The following EPHX2 variants were observed in gnomAD, a reference collection of about 807,000 sequenced individuals.
EPHX2 encodes the protein bifunctional epoxide hydrolase 2.
EPHX2 carries 74 observed loss-of-function variants against 78.7 expected under a neutral mutation model. The observed-to-expected ratio is 0.94, with a 90% CI of 0.78 to 1.14. The LOEUF is 1.14. Among genes scored for constraint, EPHX2 ranks in the 50% most tolerant of loss-of-function variants. The pLI is 0.00. For synonymous variants in EPHX2, 251 were observed against 255.2 expected (o/e 0.98, Z 0.16); for missense variants, 715 against 702.5 (o/e 1.02, Z -0.20).
chr8:27,495,438 A>T (rs1198894302), intron 1 of EPHX2, among the ~76,000 whole-genome samples: 1 of 152,138 alleles, frequency 6.6e-6, no homozygotes, highest in Non-Finnish European at 1.5e-5. Context: ...AGCTAAGGGG[A>T]CTTCTAAGAG....
At chr8:27,543,884 G>T in intron 17 of EPHX2, 55 bp downstream of exon 17, 2 of 1,575,252 alleles carry the variant, frequency 1.3e-6, no homozygotes, top group Non-Finnish European at 1.7e-6. Context: ...GAGGGCACGG[G>T]TGCTCAGAGG....
chr8:27,510,607 A>G (rs1814202212), intron 5 of EPHX2, among the ~76,000 whole-genome samples: 1 of 152,120 alleles, frequency 6.6e-6, no homozygotes. Flanking sequence ...ATGAAGTTAA[A>G]ATCAGGTCAC....
chr8:27,546,668 A>G (rs940426235), downstream of EPHX2, among the ~76,000 whole-genome samples: 2 of 152,216 alleles, frequency 1.3e-5, no homozygotes, highest in African/African-American at 2.4e-5. Flanking sequence ...CTCGCTTTTA[A>G]TATTCTATCC....
At chr8:27,532,106 C>T (rs1160342691) in intron 12 of EPHX2, among the ~76,000 whole-genome samples, 3 of 152,100 alleles carry the variant, frequency 2.0e-5, no homozygotes, top group African/African-American at 7.2e-5. Flanking sequence ...TCCAGACCCC[C>T]ACCCTGCGGT....
chr8:27,544,371 C>T, intron 18 of EPHX2, 73 bp from the exon 19 acceptor site: 1 of 1,599,188 alleles, frequency 6.3e-7, no homozygotes. Flanking sequence ...TCACCTCTGC[C>T]TTCGAGTTGG....
intron 12 of EPHX2, among the ~76,000 whole-genome samples, chr8:27,530,150 T>A (rs967113992): frequency 6.6e-6 from 1 of 151,832 alleles, no homozygotes; most frequent in African/African-American, 2.4e-5. Context: ...CCTCCCAAAC[T>A]GCTGGGATTA....
chr8:27,491,353 G>C, intron 1 of EPHX2, 44 bp downstream of exon 1: 1 of 1,364,086 alleles, frequency 7.3e-7, no homozygotes, highest in East Asian at 2.9e-5. Context: ...CGGGGCCTCA[G>C]GAGGCAGACC....
Position 27,541,586 on chromosome 8 carries a change from C to T in EPHX2, c.1449+44C>T, listed in dbSNP as rs376868333. The T allele has an allele frequency of 4.4e-5, 71 of 1,607,876 alleles. 1 individual carries two copies. The highest frequency in any genetic ancestry group is 2.8e-4 in the Admixed American group (17 of 59,998). On this transcript the variant is annotated intron_variant, in intron 16 of 18. Transcript: ENST00000521400. ...GTAGTCTCATCCACACCCCAGGACC[C>T]GCCCGCGGGGCTTCCCATTGGCCTG...
At position 27,523,414 on chromosome 8, in the gene EPHX2, C is replaced by T. The variant is rs148488658; in HGVS notation, c.1058+906C>T. Reference sequence around the variant, plus strand: ...TTTGGGCCCAGAGACTCTGTAGTCTCTTTGGCCATTTGAGCTGGTGAGCTG... The same window carrying T: ...TTTGGGCCCAGAGACTCTGTAGTCTTTTTGGCCATTTGAGCTGGTGAGCTG... On this transcript the variant is annotated intron_variant, in intron 11 of 18. Transcript: ENST00000521400. 3.0e-3 allele frequency among the ~76,000 whole-genome samples: 464 copies of T among 152,300 alleles called. 5 individuals are homozygous for T. Among genetic ancestry groups the T allele is most frequent in the African/African-American group, 0.011 (437 of 41,570 alleles).
intron 16 of EPHX2, among the ~76,000 whole-genome samples, chr8:27,543,312 A>G (rs758888421): frequency 1.1e-4 from 17 of 152,144 alleles, no homozygotes; most frequent in Non-Finnish European, 2.5e-4. Flanking sequence ...CCCTGTGTTC[A>G]ACTCATTTGC....
chr8:27,536,648 A>G (rs1815221669), intron 12 of EPHX2, 136 bp from the exon 13 acceptor site: 4 of 799,432 alleles, frequency 5.0e-6, no homozygotes, highest in South Asian at 5.0e-5. Flanking sequence ...TGAAAATTCA[A>G]ATGGATGCTA....
At chr8:27,543,698 G>A (rs1243672752) in intron 16 of EPHX2, 51 bp from the exon 17 acceptor site, 2 of 1,592,254 alleles carry the variant, frequency 1.3e-6, no homozygotes, top group East Asian at 4.5e-5. Flanking sequence ...GGAGGAGGGA[G>A]GGCTTCCTTT....
intron 1 of EPHX2, among the ~76,000 whole-genome samples, chr8:27,493,749 G>C (rs1813471642): frequency 6.6e-6 from 1 of 152,186 alleles, no homozygotes; most frequent in South Asian, 2.1e-4. Context: ...AATATGCCTT[G>C]GCTGGGTAGA....
In EPHX2 at chr8:27,511,856, TCTGCCGACCTCTTGCA is replaced by T; in HGVS notation, c.682_697del (p.Leu228IlefsTer5). On this transcript the variant is annotated frameshift_variant, in exon 6 of 19. Coordinates refer to ENST00000521400, the MANE Select transcript of EPHX2 (RefSeq NM_001979.6). LOFTEE classifies it high-confidence loss of function. ...TACAGCTTCTCAATACCCCGGCCCC[TCTGCCGACCTCTTGCA>T]ATCCAAGTGACATGAGCCATGGGTA... is the stretch of plus-strand genomic sequence containing the variant. The T allele has an allele frequency of 1.2e-6, 2 of 1,614,166 alleles. No individual in the cohort carries two copies. Among genetic ancestry groups the T allele is most frequent in the Non-Finnish European group, 1.7e-6 (2 of 1,180,024 alleles).
At position 27,491,256 on chromosome 8, in the gene EPHX2, G is replaced by A; in HGVS notation, c.48G>A (p.Leu16=). ...TCGACCTTGACGGGGTGCTGGCGCT[G>A]CCAGCGGTGTTCGGCGTCCTCGGCC... The part of the protein sequence containing the change: ...AVFDLDGVLA[L]PAVFGVLGRT... Residue 16 remains leucine, a synonymous_variant, in exon 1 of 19, where the codon CTG becomes CTA. Transcript: ENST00000521400. The A allele has an allele frequency of 6.3e-7, 1 of 1,583,956 alleles. No homozygotes were observed. Among genetic ancestry groups the A allele is most frequent in the Non-Finnish European group, 8.5e-7 (1 of 1,174,050 alleles).
At chr8:27,534,560 G>A (rs1442492450) in intron 12 of EPHX2, among the ~76,000 whole-genome samples, 1 of 152,162 alleles carries the variant, frequency 6.6e-6, no homozygotes, top group Non-Finnish European at 1.5e-5. Flanking sequence ...GCTGAGGCAA[G>A]AGAATCTCTT....
intron 12 of EPHX2, among the ~76,000 whole-genome samples, chr8:27,526,759 A>AT (rs928046298): frequency 6.6e-5 from 10 of 151,522 alleles, no homozygotes; most frequent in African/African-American, 2.4e-4. Flanking sequence ...ATTAAAAAAA[A>AT]TTTTTTTTGA....
At chr8:27,512,346 G>A (rs895567458) in intron 6 of EPHX2, among the ~76,000 whole-genome samples, 1 of 152,194 alleles carries the variant, frequency 6.6e-6, no homozygotes, top group Admixed American at 6.5e-5. Flanking sequence ...GCCTGTGTTG[G>A]AGGAGAGCAT....
chr8:27,523,552 G>A (rs1181989559), intron 11 of EPHX2, among the ~76,000 whole-genome samples: 1 of 152,140 alleles, frequency 6.6e-6, no homozygotes, highest in Non-Finnish European at 1.5e-5. Context: ...TTTGTATTTG[G>A]CTAAGTTTAT....
Sources: gnomAD v4.1 joint callset for allele counts (sites outside exome capture counted in the v4.1 genomes callset) on GRCh38, gnomAD v4.1.1 for gene constraint, MANE v1.5 for transcripts, NCBI Gene and HGNC (gene_info 2026-07-23, HGNC 2026-07-21) for gene names.